The following SPAG17 variants were observed in gnomAD, a reference collection of about 807,000 sequenced individuals.
The protein encoded by SPAG17 is sperm associated antigen 17, also known as sperm-associated antigen 17.
SPAG17 carries 169 observed loss-of-function variants against 273.6 expected under a neutral mutation model. The observed-to-expected ratio is 0.62, with a 90% CI of 0.55 to 0.70. SPAG17 has a LOEUF of 0.70. Among genes scored for constraint, SPAG17 ranks in the 30% least tolerant of loss-of-function variants. SPAG17 has a pLI of 0.00. For missense variants in SPAG17, 2,557 were observed against 2,627.8 expected (o/e 0.97, Z 0.59); for synonymous variants, 825 against 873.2 (o/e 0.94, Z 0.97).
intron 28 of SPAG17, among the ~76,000 whole-genome samples, chr1:118,019,218 A>T (rs1358801148): frequency 1.3e-5 from 2 of 152,126 alleles, no homozygotes; most frequent in East Asian, 3.8e-4. Context: ...TATTGAAATG[A>T]TCAGACACAG....
intron 32 of SPAG17, 40 bp from the exon 33 acceptor site, chr1:117,996,783 G>A (rs1657710640): frequency 6.4e-7 from 1 of 1,551,392 alleles, no homozygotes; most frequent in South Asian, 1.2e-5. Context: ...AGAAAAGAAA[G>A]TCATAATGCT....
intron 45 of SPAG17, 106 bp downstream of exon 45, chr1:117,971,757 G>T (rs1654589019): frequency 2.4e-6 from 2 of 842,328 alleles, no homozygotes; most frequent in Admixed American, 2.9e-5. Context: ...GATTCAAGGA[G>T]TAATTACAGT....
chr1:117,981,177 C>T, intron 43 of SPAG17, 93 bp downstream of exon 43: 1 of 1,307,830 alleles, frequency 7.6e-7, no homozygotes, highest in Non-Finnish European at 1.0e-6. Flanking sequence ...TTTTCTGTAA[C>T]TCTCAACCTC....
intron 5 of SPAG17, 61 bp from the exon 6 acceptor site, chr1:118,099,861 G>T (rs1655950849): frequency 1.5e-5 from 22 of 1,472,874 alleles, no homozygotes; most frequent in Non-Finnish European, 2.0e-5. Flanking sequence ...GTTGCACTCA[G>T]CCAGTTCAAT....
intron 15 of SPAG17, 27 bp downstream of exon 15, chr1:118,081,073 AC>A (rs1654518853): frequency 2.0e-6 from 3 of 1,505,242 alleles, no homozygotes; most frequent in Admixed American, 1.7e-5. Context: ...ACACACACAC[AC>A]ACACACACAC....
intron 43 of SPAG17, among the ~76,000 whole-genome samples, chr1:117,975,731 T>A (rs1371433902): frequency 6.6e-6 from 1 of 152,216 alleles, no homozygotes; most frequent in African/African-American, 2.4e-5. Flanking sequence ...TGGAACTCAG[T>A]GATCAGTGTT....
intron 46 of SPAG17, among the ~76,000 whole-genome samples, chr1:117,967,106 G>A (rs917656872): frequency 2.6e-5 from 4 of 152,052 alleles, no homozygotes; most frequent in Non-Finnish European, 4.4e-5. Context: ...GTGACTTTCA[G>A]TAGTGAAATC....
intron 10 of SPAG17, among the ~76,000 whole-genome samples, chr1:118,090,660 G>A (rs1446552029): frequency 1.3e-5 from 2 of 152,120 alleles, no homozygotes; most frequent in Non-Finnish European, 2.9e-5. Flanking sequence ...TAGGTGGGAG[G>A]TTGGCTTGGG....
chr1:118,137,288 T>C (rs922762439), intron 3 of SPAG17, among the ~76,000 whole-genome samples: 1 of 152,250 alleles, frequency 6.6e-6, no homozygotes, highest in African/African-American at 2.4e-5. Context: ...ATAATGAGGA[T>C]AATCTCTAAC....
chr1:118,085,561 G>A (rs777444851), intron 13 of SPAG17, among the ~76,000 whole-genome samples: 2 of 150,206 alleles, frequency 1.3e-5, no homozygotes, highest in African/African-American at 2.5e-5. Context: ...CACACACACA[G>A]CCCTTTACTT....
intron 1 of SPAG17, among the ~76,000 whole-genome samples, chr1:118,155,660 G>A (rs1018329838): frequency 4.6e-5 from 7 of 152,170 alleles, no homozygotes; most frequent in African/African-American, 1.4e-4. Context: ...AGGAGAAGAC[G>A]TACAAATGCC....
chr1:118,154,624 A>G (rs1365773505), intron 1 of SPAG17, among the ~76,000 whole-genome samples: 1 of 152,188 alleles, frequency 6.6e-6, no homozygotes, highest in Non-Finnish European at 1.5e-5. Flanking sequence ...CTTGAAAAAA[A>G]TCAGACACAG....
intron 18 of SPAG17, among the ~76,000 whole-genome samples, chr1:118,065,643 G>C (rs1026994562): frequency 6.6e-6 from 1 of 151,916 alleles, no homozygotes; most frequent in African/African-American, 2.4e-5. Context: ...ACGCAAGTTT[G>C]GTTCAACACT....
intron 12 of SPAG17, 107 bp downstream of exon 12, chr1:118,086,564 A>G (rs1655012023): frequency 3.2e-6 from 3 of 939,424 alleles, no homozygotes; most frequent in Admixed American, 2.3e-5. Flanking sequence ...TGTACATTAC[A>G]TTTTAATTAG....
intron 3 of SPAG17, among the ~76,000 whole-genome samples, chr1:118,141,862 A>G (rs1199168750): frequency 1.3e-5 from 2 of 152,236 alleles, no homozygotes; most frequent in Non-Finnish European, 2.9e-5. Flanking sequence ...ACATGACATA[A>G]CAAAGAAGAA....
intron 18 of SPAG17, among the ~76,000 whole-genome samples, chr1:118,058,623 G>A (rs1651955950): frequency 1.3e-5 from 2 of 152,192 alleles, no homozygotes; most frequent in Admixed American, 1.3e-4. Flanking sequence ...TTTACAAGTG[G>A]TTGTATTAGC....
rs377326727 is a variant in SPAG17, at chr1:117,983,847, C to T, written c.5836G>A (p.Glu1946Lys). The T allele has an allele frequency of 3.2e-5, 52 of 1,612,300 alleles. 1 individual carries two copies. The Middle Eastern group carries it at 8.2e-4, about 26-fold the overall frequency. ...SFTKKNEDANETAVQDTSDLN... is the reference protein window; with the variant it reads ...SFTKKNEDANKTAVQDTSDLN... ...TCAGATGTATCTTGAACAGCTGTTT[C>T]GTTTGCATCTTCATTTTTCTTTGTA... The change falls in exon 42 of 49, where the codon GAA (glutamate) becomes AAA (lysine). Residue 1946 changes from glutamate (E) to lysine (K), a missense_variant. Transcript: ENST00000336338.
chr1:118,041,265 G>T (rs1649719013), intron 21 of SPAG17, among the ~76,000 whole-genome samples: 1 of 152,080 alleles, frequency 6.6e-6, no homozygotes, highest in Non-Finnish European at 1.5e-5. Context: ...GGGATTTAAT[G>T]CATGCTAAAA....
chr1:118,063,738 A>G (rs1251236829), intron 18 of SPAG17, among the ~76,000 whole-genome samples: 1 of 152,356 alleles, frequency 6.6e-6, no homozygotes, highest in African/African-American at 2.4e-5. Context: ...GACAAATGGG[A>G]TCTCATTAAA....
Sources: gnomAD v4.1 joint callset for allele counts (sites outside exome capture counted in the v4.1 genomes callset) on GRCh38, gnomAD v4.1.1 for gene constraint, MANE v1.5 for transcripts, NCBI Gene and HGNC (gene_info 2026-07-23, HGNC 2026-07-21) for gene names.